The following PELP1 variants were observed in gnomAD, a reference collection of about 807,000 sequenced individuals.
PELP1 encodes proline-, glutamic acid- and leucine-rich protein 1.
A neutral mutation model predicts 95.5 loss-of-function variants in PELP1; 32 were observed. The observed-to-expected ratio is 0.34, with a 90% CI of 0.25 to 0.45. PELP1 has a LOEUF of 0.45. PELP1 is among the 20% of genes least tolerant of loss of function. The pLI is 1.00. For missense variants in PELP1, 1,358 were observed against 1,444.8 expected (o/e 0.94, Z 0.97); for synonymous variants, 668 against 600.1 (o/e 1.11, Z -1.65).
At position 4,673,700 on chromosome 17, in the gene PELP1, G is replaced by C. The variant is rs1912336000; in HGVS notation, c.1583-26C>G. 6.2e-7 allele frequency: 1 copy of C among 1,608,594 alleles called. No individual in the cohort carries two copies. Among genetic ancestry groups the C allele is most frequent in the East Asian group, 2.2e-5 (1 of 44,858 alleles). ...CTGGGGAAGAAGAATGGTGTGTAAA[G>C]GGTAGGCTCCCAACAGACTGACGGC... is the stretch of plus-strand genomic sequence containing the variant. On this transcript the variant is annotated intron_variant, in intron 13 of 16. Transcript: ENST00000572293. The surrounding 1 kb of genome is among the most constrained non-coding windows in gnomAD (Gnocchi z 5.7).
rs1597443910 is a variant in PELP1, at chr17:4,669,989, T to C, written c.*1450A>G. The C allele has an allele frequency of 6.8e-6, 1 of 147,074 alleles. No homozygotes were observed. Among genetic ancestry groups the C allele is most frequent in the Non-Finnish European group, 1.5e-5 (1 of 67,914 alleles). The allele number at this position is 147,074 out of a possible 1,614,324, so 9.1% of individuals were successfully genotyped here. On this transcript the variant is annotated 3_prime_UTR_variant, in exon 17 of 17. Coordinates refer to ENST00000572293, the MANE Select transcript of PELP1 (RefSeq NM_014389.3). ...AGAAATGTGTATAACTACAGATGTA[T>C]AGATTAGACAGATATATGGGTGTAA... is the stretch of plus-strand genomic sequence containing the variant.
Position 4,671,892 on chromosome 17 carries a change from G to A in PELP1, c.3099C>T (p.Ser1033=). 6.6e-7 allele frequency: 1 copy of A among 1,513,638 alleles called. No homozygotes were observed. Among genetic ancestry groups the A allele is most frequent in the Non-Finnish European group, 8.8e-7 (1 of 1,134,712 alleles). The allele number at this position is 1,513,638 out of a possible 1,614,324, so 93.8% of individuals were successfully genotyped here. A position where few individuals can be genotyped will look rare whatever the true frequency, so the allele number is the denominator to read the frequency against. ...CCCCTTCCCTCTCCACCTCTCCCTG[G>A]GAGGGGAGCGCTTCAGGGGCCAGGG... is the stretch of plus-strand genomic sequence containing the variant. The part of the protein sequence containing the change: ...APTLAPEALP[S]QGEVEREGES... Residue 1033 remains serine (S), a synonymous_variant, in exon 16 of 17, where the codon TCC becomes TCT. Transcript: ENST00000572293.
chr17:4,671,593 C>T (rs1912203732), intron 16 of PELP1, 62 bp from the exon 17 acceptor site: 1 of 1,607,110 alleles, frequency 6.2e-7, no homozygotes, highest in Non-Finnish European at 8.5e-7. Context: ...AAGAATGGTT[C>T]AGGCTGGGCA....
intron 3 of PELP1, among the ~76,000 whole-genome samples, chr17:4,687,297 C>A (rs1334783318): frequency 6.6e-6 from 1 of 152,146 alleles, no homozygotes; most frequent in Non-Finnish European, 1.5e-5. Context: ...GTAATCCGAG[C>A]ACTCTGGGAG....
intron 3 of PELP1, among the ~76,000 whole-genome samples, chr17:4,686,709 G>C (rs895248215): frequency 6.6e-6 from 1 of 151,992 alleles, no homozygotes; most frequent in South Asian, 2.1e-4. Context: ...GTAGAAACAG[G>C]GTTTCACCAT....
At chr17:4,679,407 A>G (rs1194418461) in intron 5 of PELP1, among the ~76,000 whole-genome samples, 1 of 152,178 alleles carries the variant, frequency 6.6e-6, no homozygotes, top group Non-Finnish European at 1.5e-5. Context: ...AATTCTCCTG[A>G]CTACTCACAC....
intron 1 of PELP1, among the ~76,000 whole-genome samples, chr17:4,695,316 C>T (rs150256208): frequency 2.7e-4 from 18 of 67,208 alleles, no homozygotes; most frequent in South Asian, 5.7e-4. Context: ...AGTGAGACTC[C>T]GTCTGGAAAA....
At chr17:4,681,898 TCA>T (rs1045371787) in intron 5 of PELP1, among the ~76,000 whole-genome samples, 11 of 151,998 alleles carry the variant, frequency 7.2e-5, no homozygotes, top group Non-Finnish European at 1.6e-4. Flanking sequence ...GCACAGTGGC[TCA>T]CACTTATAAT....
At chr17:4,685,990 A>G (rs533829927) in intron 3 of PELP1, among the ~76,000 whole-genome samples, 3 of 152,064 alleles carry the variant, frequency 2.0e-5, no homozygotes, top group African/African-American at 7.2e-5. Context: ...CCAGCTACTC[A>G]GGAGGCTGAG....
intron 1 of PELP1, among the ~76,000 whole-genome samples, chr17:4,703,483 T>G (rs974168428): frequency 2.6e-5 from 4 of 152,120 alleles, no homozygotes; most frequent in Non-Finnish European, 5.9e-5. Flanking sequence ...TGACCCTCAA[T>G]AAGAGCTCGG....
In PELP1 at chr17:4,670,372, G is replaced by A. The variant is rs72835644; in HGVS notation, c.*1067C>T. On this transcript the variant is annotated 3_prime_UTR_variant, in exon 17 of 17. Transcript: ENST00000572293. ...GTACCCTCTCACAGACACATCTCTC[G>A]GTTCATCCTCACACGTCCATCCCAG... 0.17 allele frequency: 25,505 copies of A among 152,114 alleles called. 2,585 individuals are homozygous for A. Among genetic ancestry groups the A allele is most frequent in the Middle Eastern group, 0.24 (71 of 294 alleles). 9.4% of individuals were successfully genotyped at this position (152,114 alleles called of 1,614,324 possible).
chr17:4,693,648 G>C (rs9899758), intron 1 of PELP1, among the ~76,000 whole-genome samples: 1 of 152,208 alleles, frequency 6.6e-6, no homozygotes, highest in Non-Finnish European at 1.5e-5. Flanking sequence ...CCCTCAGGCA[G>C]GGAGCATGTG....
rs745722648 is a variant in PELP1, at chr17:4,673,090, C to T, written c.1901G>A (p.Arg634Gln). The T allele has an allele frequency of 3.3e-6, 5 of 1,522,310 alleles. No homozygotes were observed. Among genetic ancestry groups the T allele is most frequent in the Non-Finnish European group, 4.4e-6 (5 of 1,137,532 alleles). The allele number at this position is 1,522,310 out of a possible 1,614,324, so 94.3% of individuals were successfully genotyped here. A position where few individuals can be genotyped will look rare whatever the true frequency, so the allele number is the denominator to read the frequency against. ...GCCCATGGGCTGCAGGGGAGGAACC[C>T]GGGGGTGGGTCAGAGCAGCACAGGT... Reference protein sequence around the residue: ...LVTCAALTHPRVPPLQPMGPT... With the variant: ...LVTCAALTHPQVPPLQPMGPT... Residue 634 changes from arginine to glutamine, a missense_variant, in exon 16 of 17, where the codon CGG becomes CAG. Around this residue, in one of 7 missense-constraint regions of PELP1, gnomAD observed 18 missense variants for 39.0 expected, o/e 0.46. Transcript: ENST00000572293. This position sits in a 1 kb window ranked among gnomAD's most constrained non-coding sequence, Gnocchi z 5.7.
Position 4,690,977 on chromosome 17 carries a change from G to C in PELP1, c.331C>G (p.Leu111Val). The stretch of plus-strand genomic sequence containing the variant: ...CTCTCCCCTACCAGCAGGGACAGCA[G>C]ACACAGGCCCTCAAACCTTCAAAGA... Reference protein sequence around the residue: ...SIKTRFEGLCLLSLLVGESPT... With the variant: ...SIKTRFEGLCVLSLLVGESPT... Residue 111 changes from leucine to valine, a missense_variant, in exon 3 of 17, where the codon CTG (leucine) becomes GTG (valine). By Grantham distance (32) the Leu-to-Val change is conservative (BLOSUM62 1). Coordinates refer to ENST00000572293, the MANE Select transcript of PELP1 (RefSeq NM_014389.3). 4 of 1,613,072 alleles carry C rather than the reference G, an allele frequency of 2.5e-6. No individual in the cohort carries two copies. Among genetic ancestry groups the C allele is most frequent in the Non-Finnish European group, 3.4e-6 (4 of 1,179,060 alleles).
intron 3 of PELP1, among the ~76,000 whole-genome samples, chr17:4,683,454 C>T (rs1477582898): frequency 4.7e-5 from 7 of 150,404 alleles, no homozygotes; most frequent in South Asian, 2.1e-4. Flanking sequence ...TCTCCGACCT[C>T]GTGATCTGCC....
At chr17:4,684,514 T>G (rs1405910019) in intron 3 of PELP1, among the ~76,000 whole-genome samples, 3 of 152,112 alleles carry the variant, frequency 2.0e-5, no homozygotes, top group Non-Finnish European at 2.9e-5. Context: ...GCCCTCTTCC[T>G]ACCCAAAGAC....
chr17:4,680,809 C>G (rs561132025), intron 5 of PELP1, among the ~76,000 whole-genome samples: 1 of 152,228 alleles, frequency 6.6e-6, no homozygotes, highest in Non-Finnish European at 1.5e-5. Context: ...GGAATACCTA[C>G]TTGTTCTTAG....
chr17:4,678,081 G>A (rs1428494543), intron 5 of PELP1, among the ~76,000 whole-genome samples: 1 of 152,072 alleles, frequency 6.6e-6, no homozygotes, highest in African/African-American at 2.4e-5. Flanking sequence ...GGGCACAGTG[G>A]TGGGCACCTG....
At chr17:4,676,566 C>T (rs957604812) in intron 6 of PELP1, 59 bp from the exon 7 acceptor site, 1 of 1,592,956 alleles carries the variant, frequency 6.3e-7, no homozygotes, top group African/African-American at 1.3e-5. Flanking sequence ...CACAGAACCC[C>T]CAGCCCCACT....
Sources: gnomAD v4.1 joint callset for allele counts (sites outside exome capture counted in the v4.1 genomes callset) on GRCh38, gnomAD v4.1.1 for gene constraint, gnomAD v4.1.1 regional missense constraint, Gnocchi (gnomAD v3.1) non-coding constraint, MANE v1.5 for transcripts, NCBI Gene and HGNC (gene_info 2026-07-23, HGNC 2026-07-21) for gene names.